The following ANKIB1 variants were observed in gnomAD, a reference collection of about 807,000 sequenced individuals.
The protein encoded by ANKIB1 is ankyrin repeat and IBR domain-containing protein 1.
A neutral mutation model predicts 122.1 loss-of-function variants in ANKIB1; 43 were observed. That is an observed-to-expected ratio of 0.35 (90% CI 0.28 to 0.45). ANKIB1 has a LOEUF of 0.45. Among genes scored for constraint, ANKIB1 ranks in the 20% least tolerant of loss-of-function variants. ANKIB1 has a pLI of 1.00. For synonymous variants in ANKIB1, 390 were observed against 442.0 expected (o/e 0.88, Z 1.48); for missense variants, 992 against 1,329.5 (o/e 0.75, Z 3.95).
chr7:92,372,601 G>A lies in ANKIB1; in HGVS notation c.1617+994G>A, dbSNP rs189308100. Among the ~76,000 whole-genome samples, 179 of 152,230 alleles carry A rather than the reference G, an allele frequency of 1.2e-3. 1 individual carries two copies. The highest frequency in any genetic ancestry group is 4.1e-3 in the African/African-American group (169 of 41,530). On this transcript the variant is annotated intron_variant, in intron 11 of 19. Coordinates refer to ENST00000265742, the MANE Select transcript of ANKIB1 (RefSeq NM_019004.2). ...TATTGAAAATGAAAATGCCAACCAA[G>A]ATTCACTTGGCTGAAAAATACTTAA...
intron 1 of ANKIB1, among the ~76,000 whole-genome samples, chr7:92,277,057 C>A (rs776139033): frequency 6.6e-6 from 1 of 152,106 alleles, no homozygotes; most frequent in Admixed American, 6.5e-5. Context: ...TTCTCTTGCT[C>A]CTGCTCCCAC....
At chr7:92,269,791 CT>C (rs569569042) in intron 1 of ANKIB1, among the ~76,000 whole-genome samples, 27 of 147,892 alleles carry the variant, frequency 1.8e-4, no homozygotes, top group East Asian at 5.9e-4. Flanking sequence ...AGTTTCTGGT[CT>C]TTTTTTTTTT....
chr7:92,272,198 A>G (rs1435365099), intron 1 of ANKIB1, among the ~76,000 whole-genome samples: 2 of 152,330 alleles, frequency 1.3e-5, no homozygotes, highest in South Asian at 4.1e-4. Context: ...TTTTACCTCA[A>G]TTAAAAAAAC....
chr7:92,343,881 T>C (rs763424262), intron 6 of ANKIB1, among the ~76,000 whole-genome samples: 3 of 152,208 alleles, frequency 2.0e-5, no homozygotes, highest in Non-Finnish European at 2.9e-5. Flanking sequence ...TATTATTTTA[T>C]GAAACAGTAC....
intron 1 of ANKIB1, among the ~76,000 whole-genome samples, chr7:92,264,081 T>C (rs898725900): frequency 1.3e-5 from 2 of 152,252 alleles, no homozygotes; most frequent in African/African-American, 4.8e-5. Flanking sequence ...CCATCACTTA[T>C]TTTATCTATC....
intron 1 of ANKIB1, among the ~76,000 whole-genome samples, chr7:92,285,541 A>G (rs1802102947): frequency 6.6e-6 from 1 of 152,240 alleles, no homozygotes; most frequent in African/African-American, 2.4e-5. Flanking sequence ...CTTTTAAAAG[A>G]ATATTATTTT....
intron 11 of ANKIB1, 115 bp from the exon 12 acceptor site, chr7:92,386,394 A>G (rs2115694012): frequency 1.7e-6 from 2 of 1,163,368 alleles, no homozygotes; most frequent in South Asian, 3.9e-5. Flanking sequence ...GAGAAGATTT[A>G]TTACTGGTCA....
chr7:92,325,885 C>T (rs1299221210), intron 4 of ANKIB1: 3 of 430,168 alleles, frequency 7.0e-6, no homozygotes, highest in African/African-American at 4.1e-5. Context: ...ATTTTATTCA[C>T]GTTTCTTTTT....
At chr7:92,358,178 G>A (rs927925121) in intron 9 of ANKIB1, among the ~76,000 whole-genome samples, 10 of 152,092 alleles carry the variant, frequency 6.6e-5, no homozygotes, top group African/African-American at 2.2e-4. Flanking sequence ...GGAGGCGGAG[G>A]TTACAGTGAG....
intron 3 of ANKIB1, among the ~76,000 whole-genome samples, chr7:92,308,631 AT>A (rs1243565188): frequency 1.3e-5 from 2 of 152,140 alleles, no homozygotes; most frequent in East Asian, 3.8e-4. Context: ...AATATATAGC[AT>A]TATTTATATC....
intron 11 of ANKIB1, among the ~76,000 whole-genome samples, chr7:92,380,720 A>C (rs576348312): frequency 2.6e-4 from 39 of 152,340 alleles, no homozygotes; most frequent in African/African-American, 9.4e-4. Flanking sequence ...ATCAACAAAA[A>C]AGGACATCCA....
chr7:92,257,430 CAATA>C (rs1801471068), intron 1 of ANKIB1, among the ~76,000 whole-genome samples: 1 of 152,108 alleles, frequency 6.6e-6, no homozygotes, highest in Non-Finnish European at 1.5e-5. Context: ...GCACTACTGC[CAATA>C]AATAAAGAAT....
Position 92,357,439 on chromosome 7 carries a change from T to C in ANKIB1, c.1398-4746T>C, listed in dbSNP as rs539836061. The stretch of plus-strand genomic sequence containing the variant: ...TGTCAACAGTCATTGGTTAAAATTT[T>C]ATTCAGGAATTTAGGCCGGGCTCAC... On this transcript the variant is annotated intron_variant, in intron 9 of 19. Transcript: ENST00000265742. Among the ~76,000 whole-genome samples, 33 of 152,214 alleles carry C rather than the reference T, an allele frequency of 2.2e-4. No individual in the cohort carries two copies. In the South Asian group the frequency reaches 3.9e-3, roughly 18 times the overall value.
intron 1 of ANKIB1, among the ~76,000 whole-genome samples, chr7:92,249,831 C>T (rs1801287208): frequency 6.6e-6 from 1 of 152,054 alleles, no homozygotes; most frequent in African/African-American, 2.4e-5. Flanking sequence ...TTAGAACAGT[C>T]CCAAAATATA....
At position 92,381,432 on chromosome 7, in the gene ANKIB1, A is replaced by G. The variant is rs182630207; in HGVS notation, c.1618-5077A>G. Among the ~76,000 whole-genome samples the G allele has an allele frequency of 7.0e-4, 107 of 152,326 alleles. 1 individual carries two copies. The East Asian group carries it at 0.012, about 17-fold the overall frequency. On this transcript the variant is annotated intron_variant, in intron 11 of 19. Transcript: ENST00000265742. ...CTCAAGAAGAGCAACCCCAAGGCAC[A>G]TAATTGTCAGATTCACCAATGTTGA...
chr7:92,349,266 A>G (rs1803608164), intron 7 of ANKIB1, among the ~76,000 whole-genome samples: 1 of 152,176 alleles, frequency 6.6e-6, no homozygotes, highest in South Asian at 2.1e-4. Context: ...GAAGAAAGGA[A>G]AGAATGCTAA....
In ANKIB1 at chr7:92,246,029, C is replaced by G. The variant is rs960976310; in HGVS notation, c.-581C>G. On this transcript the variant is annotated 5_prime_UTR_variant, in exon 1 of 20. Transcript: ENST00000265742. ...CTCCTTTTCACTGGACCTGCAGTCT[C>G]TCAGGGGCTGGTGGCAGGCGACTAG... The G allele has an allele frequency of 3.8e-6, 1 of 265,664 alleles. No individual in the cohort carries two copies. The allele number at this position is 265,664 out of a possible 1,614,324, so 16.5% of individuals were successfully genotyped here.
intron 1 of ANKIB1, among the ~76,000 whole-genome samples, chr7:92,293,118 G>T (rs892642063): frequency 1.3e-5 from 2 of 152,148 alleles, no homozygotes; most frequent in African/African-American, 4.8e-5. Flanking sequence ...ATACTTAGCT[G>T]CAGGGCACCA....
chr7:92,260,090 T>G (rs543804211), intron 1 of ANKIB1, among the ~76,000 whole-genome samples: 1 of 152,312 alleles, frequency 6.6e-6, no homozygotes, highest in African/African-American at 2.4e-5. Flanking sequence ...TCTGGTCATT[T>G]CACTTCTCTG....
Sources: allele counts gnomAD v4.1 joint callset (sites outside exome capture counted in the v4.1 genomes callset), GRCh38; gene constraint gnomAD v4.1.1; transcripts MANE v1.5; gene names NCBI Gene and HGNC (gene_info 2026-07-23, HGNC 2026-07-21).